The following GPR141 variants were observed in gnomAD, a reference collection of about 807,000 sequenced individuals.
GPR141 encodes probable G protein-coupled receptor 141.
GPR141 carries 6 observed loss-of-function variants against 6.8 expected under a neutral mutation model. The ratio of observed to expected loss-of-function variants is 0.88; its 90% confidence interval spans 0.48 to 1.74. The LOEUF (loss-of-function observed/expected upper bound fraction) is 1.74. Among genes scored for constraint, GPR141 ranks in the 40% most tolerant of loss-of-function variants. GPR141 has a pLI of 0.01. For missense variants in GPR141, 372 were observed against 372.9 expected (o/e 1.00, Z 0.02); for synonymous variants, 140 against 142.3 (o/e 0.98, Z 0.11).
chr7:37,688,509 C>G (rs916323585), intron 2 of GPR141, among the ~76,000 whole-genome samples: 6 of 152,236 alleles, frequency 3.9e-5, no homozygotes, highest in African/African-American at 1.2e-4. Flanking sequence ...TTAGAGAATG[C>G]CTTCCAGAGG....
At chr7:37,687,178 A>G (rs1484674708) in intron 2 of GPR141, among the ~76,000 whole-genome samples, 2 of 152,132 alleles carry the variant, frequency 1.3e-5, no homozygotes, top group East Asian at 3.8e-4. Flanking sequence ...TACCCAGGGC[A>G]GGGGAATAAC....
At chr7:37,719,650 A>C (rs1422402107) in intron 2 of GPR141, among the ~76,000 whole-genome samples, 1 of 152,222 alleles carries the variant, frequency 6.6e-6, no homozygotes, top group Non-Finnish European at 1.5e-5. Flanking sequence ...GTCTAATCTT[A>C]GAGTTCGCCT....
chr7:37,713,384 T>A (rs1750495180), intron 2 of GPR141: 1 of 152,232 alleles, frequency 6.6e-6, no homozygotes, highest in South Asian at 2.1e-4. Flanking sequence ...ACTCCTGGGC[T>A]CAAGCAATCC....
At chr7:37,720,389 C>T (rs984841448) in intron 2 of GPR141, among the ~76,000 whole-genome samples, 3 of 152,304 alleles carry the variant, frequency 2.0e-5, no homozygotes, top group African/African-American at 7.2e-5. Context: ...ATAATAATCT[C>T]TGAGTGTAGT....
chr7:37,703,830 G>A (rs1002137005), intron 2 of GPR141, among the ~76,000 whole-genome samples: 1 of 151,734 alleles, frequency 6.6e-6, no homozygotes, highest in African/African-American at 2.4e-5. Context: ...CTATTATATG[G>A]TTCACCAATT....
intron 2 of GPR141, among the ~76,000 whole-genome samples, chr7:37,726,560 A>G (rs2131831111): frequency 6.6e-6 from 1 of 152,338 alleles, no homozygotes. Context: ...GAGCTCCAAT[A>G]TAACCTTCAC....
intron 2 of GPR141, among the ~76,000 whole-genome samples, chr7:37,703,660 C>T (rs1810395259): frequency 6.6e-6 from 1 of 152,176 alleles, no homozygotes; most frequent in Non-Finnish European, 1.5e-5. Flanking sequence ...TTCTGTGCCT[C>T]AGTTCCCTCA....
chr7:37,701,631 C>T (rs1482404474), intron 2 of GPR141, among the ~76,000 whole-genome samples: 1 of 152,114 alleles, frequency 6.6e-6, no homozygotes, highest in Non-Finnish European at 1.5e-5. Flanking sequence ...AACTGGTTAT[C>T]CTGCATTTTA....
intron 2 of GPR141, among the ~76,000 whole-genome samples, chr7:37,693,467 G>A (rs976327395): frequency 2.0e-5 from 3 of 152,126 alleles, no homozygotes; most frequent in African/African-American, 7.2e-5. Context: ...TTTTGCTTAG[G>A]ATTGTCTTGG....
At position 37,696,060 on chromosome 7, in the gene GPR141, G is replaced by A. The variant is rs570657096; in HGVS notation, c.-15+10477G>A. Among the ~76,000 whole-genome samples the A allele has an allele frequency of 6.6e-5, 10 of 152,340 alleles. No individual in the cohort carries two copies. The South Asian group carries it at 2.1e-3, about 32-fold the overall frequency. On this transcript the variant is annotated intron_variant, in intron 2 of 2. Coordinates refer to ENST00000334425, the MANE Select transcript of GPR141 (RefSeq NM_001381946.1). ...GCCTCCAGCCACCTCTGGTTTGGAA[G>A]TACAGACAATTCCCCATATAAACAA...
At chr7:37,726,601 T>C in intron 2 of GPR141, among the ~76,000 whole-genome samples, 1 of 152,216 alleles carries the variant, frequency 6.6e-6, no homozygotes, top group Non-Finnish European at 1.5e-5. Context: ...CTTTTCCACA[T>C]TGGTTTTTCT....
intron 2 of GPR141, among the ~76,000 whole-genome samples, chr7:37,724,777 G>T (rs1811543190): frequency 6.6e-6 from 1 of 152,210 alleles, no homozygotes; most frequent in Admixed American, 6.5e-5. Context: ...GCCTCTTCTA[G>T]CTGGGGCTGG....
At chr7:37,719,133 G>A (rs1489773437) in intron 2 of GPR141, among the ~76,000 whole-genome samples, 1 of 152,182 alleles carries the variant, frequency 6.6e-6, no homozygotes, top group Non-Finnish European at 1.5e-5. Context: ...CACAGTTCTG[G>A]TTGGTTCTGC....
chr7:37,691,039 A>G (rs919162568), intron 2 of GPR141, among the ~76,000 whole-genome samples: 1 of 152,062 alleles, frequency 6.6e-6, no homozygotes, highest in African/African-American at 2.4e-5. Flanking sequence ...CTCTTTCTGA[A>G]TTGATCCTTT....
At chr7:37,701,576 A>G (rs1168356160) in intron 2 of GPR141, among the ~76,000 whole-genome samples, 1 of 152,202 alleles carries the variant, frequency 6.6e-6, no homozygotes, top group Non-Finnish European at 1.5e-5. Flanking sequence ...TGCATGGGGT[A>G]TTTATACAAA....
rs1473772428 is a variant in GPR141 at position 37,740,599 on chromosome 7, T to G, written c.206T>G (p.Val69Gly). ...VVVHSVFLLT[V>G]PFRLTYLIKK... ...GTCCACAGCGTTTTTCTGCTGACAG[T>G]GCCATTTCGCTTGACCTACCTCATC... Residue 69 changes from valine (V) to glycine (G), a missense_variant, in exon 3 of 3, where the codon GTG (valine) becomes GGG (glycine). Physicochemically the swap from Val to Gly is moderately radical, Grantham distance 109. Transcript: ENST00000334425. The G allele has an allele frequency of 1.9e-6, 3 of 1,613,974 alleles. No individual in the cohort carries two copies. Among genetic ancestry groups the G allele is most frequent in the African/African-American group, 2.7e-5 (2 of 74,896 alleles).
chr7:37,691,704 G>C (rs974543464), intron 2 of GPR141, among the ~76,000 whole-genome samples: 1 of 152,124 alleles, frequency 6.6e-6, no homozygotes, highest in African/African-American at 2.4e-5. Flanking sequence ...TGGTAAGGCT[G>C]GTGAGTGGTA....
chr7:37,695,118 T>C (rs559032024), intron 2 of GPR141, among the ~76,000 whole-genome samples: 85 of 152,286 alleles, frequency 5.6e-4, no homozygotes, highest in African/African-American at 2.0e-3. Context: ...AGGGGGCAGA[T>C]GGAGGAGCAG....
chr7:37,705,953 A>G (rs1810504359), intron 2 of GPR141, among the ~76,000 whole-genome samples: 1 of 152,138 alleles, frequency 6.6e-6, no homozygotes, highest in South Asian at 2.1e-4. Context: ...GGGCTGAGAG[A>G]GGAAAGACCA....
Sources: gnomAD v4.1 joint callset for allele counts (sites outside exome capture counted in the v4.1 genomes callset) on GRCh38, gnomAD v4.1.1 for gene constraint, MANE v1.5 for transcripts, NCBI Gene and HGNC (gene_info 2026-07-23, HGNC 2026-07-21) for gene names.